Variants in PDE4B observed in about 807,000 individuals in gnomAD.
PDE4B encodes the protein phosphodiesterase 4B, also known as 3',5'-cyclic-AMP phosphodiesterase 4B.
A neutral mutation model predicts 82.2 loss-of-function variants in PDE4B; 20 were observed. That is an observed-to-expected ratio of 0.24 (90% confidence interval 0.17 to 0.35). The LOEUF (loss-of-function observed/expected upper bound fraction) is 0.35. Ranked by LOEUF, PDE4B falls within the 10% of genes least tolerant of loss-of-function variation. The pLI, the probability that PDE4B is intolerant of heterozygous loss-of-function variation, is 1.00. For missense variants in PDE4B, 655 were observed against 907.2 expected (o/e 0.72, Z 3.57); for synonymous variants, 320 against 318.9 (o/e 1.00, Z -0.04).
At chr1:66,028,099 G>A (rs1653552795) in intron 3 of PDE4B, among the ~76,000 whole-genome samples, 1 of 152,234 alleles carries the variant, frequency 6.6e-6, no homozygotes, top group Non-Finnish European at 1.5e-5. Flanking sequence ...TCTCCATGAG[G>A]GTGCCGCCTC....
intron 3 of PDE4B, among the ~76,000 whole-genome samples, chr1:66,245,651 T>C (rs1653256364): frequency 6.6e-6 from 1 of 152,250 alleles, no homozygotes; most frequent in Non-Finnish European, 1.5e-5. Flanking sequence ...TCCACCTGCC[T>C]GTCTGCCTGC....
At chr1:66,131,165 A>C (rs1404508677) in intron 3 of PDE4B, among the ~76,000 whole-genome samples, 1 of 152,210 alleles carries the variant, frequency 6.6e-6, no homozygotes, top group East Asian at 1.9e-4. Context: ...TAAAAAACAT[A>C]TAAAGGTAGA....
chr1:66,054,505 C>G (rs1655202222), intron 3 of PDE4B, among the ~76,000 whole-genome samples: 1 of 152,170 alleles, frequency 6.6e-6, no homozygotes, highest in Non-Finnish European at 1.5e-5. Flanking sequence ...ATCTTGTGCT[C>G]TTTAAAAGTT....
chr1:66,257,858 T>C lies in PDE4B; in HGVS notation c.579T>C (p.Ser193=), dbSNP rs1654365968. The part of the protein sequence containing the change: ...FTILTNLHGT[S]NKRSPAASQP... ...TACTGACAAACCTTCATGGTACATC[T>C]AACAAGTAAGGATTGACTTTTTTGT... Residue 193 remains serine (S), a synonymous_variant, in exon 6 of 17, where the codon TCT becomes TCC. Coordinates refer to ENST00000341517, the MANE Select transcript of PDE4B (RefSeq NM_002600.4). 1.2e-6 allele frequency: 2 copies of C among 1,610,342 alleles called. No individual in the cohort carries two copies. The highest frequency in any genetic ancestry group is 1.7e-6 in the Non-Finnish European group (2 of 1,176,724).
At chr1:66,070,059 C>T (rs189157788) in intron 3 of PDE4B, among the ~76,000 whole-genome samples, 2 of 152,098 alleles carry the variant, frequency 1.3e-5, no homozygotes, top group Non-Finnish European at 2.9e-5. Context: ...AGGGTATACA[C>T]AGTGTTTCTT....
intron 7 of PDE4B, among the ~76,000 whole-genome samples, chr1:66,302,491 A>G (rs891934099): frequency 2.6e-5 from 4 of 152,154 alleles, no homozygotes; most frequent in African/African-American, 9.7e-5. Context: ...TGAGGTGGAA[A>G]CAGGGAGTGG....
intron 3 of PDE4B, among the ~76,000 whole-genome samples, chr1:66,036,035 G>A (rs893318708): frequency 4.6e-5 from 7 of 152,096 alleles, no homozygotes; most frequent in South Asian, 2.1e-4. Context: ...AGTAGCCACC[G>A]TAACAGGGTG....
At chr1:65,869,795 G>GTT (rs11320288) in intron 1 of PDE4B, among the ~76,000 whole-genome samples, 5 of 144,750 alleles carry the variant, frequency 3.5e-5, no homozygotes, top group African/African-American at 1.0e-4. Context: ...GCTATACCAT[G>GTT]TTTTTTTTTT....
intron 7 of PDE4B, among the ~76,000 whole-genome samples, chr1:66,286,581 G>T (rs1255906943): frequency 6.6e-6 from 1 of 152,112 alleles, no homozygotes; most frequent in African/African-American, 2.4e-5. Flanking sequence ...ATTTGGGTTG[G>T]TTTTTCATCA....
chr1:65,940,765 A>G (rs530130601), intron 3 of PDE4B, among the ~76,000 whole-genome samples: 1 of 152,104 alleles, frequency 6.6e-6, no homozygotes, highest in Non-Finnish European at 1.5e-5. Context: ...CCAAAAGATC[A>G]ATTTTGGACA....
intron 3 of PDE4B, among the ~76,000 whole-genome samples, chr1:66,212,151 C>G (rs977102838): frequency 2.6e-5 from 4 of 152,172 alleles, no homozygotes; most frequent in African/African-American, 9.7e-5. Context: ...CACTGGGAAA[C>G]TTTCTCTTCC....
At chr1:66,248,012 T>G (rs905420106) in intron 4 of PDE4B, among the ~76,000 whole-genome samples, 1 of 152,196 alleles carries the variant, frequency 6.6e-6, no homozygotes, top group Non-Finnish European at 1.5e-5. Context: ...TGTGTGCAGT[T>G]TTCATGAGGC....
chr1:66,238,021 A>G (rs1652597394), intron 3 of PDE4B, among the ~76,000 whole-genome samples: 1 of 152,238 alleles, frequency 6.6e-6, no homozygotes, highest in South Asian at 2.1e-4. Flanking sequence ...AAGGGAACTT[A>G]CTTAAATAAT....
chr1:66,174,378 T>G (rs760831802), intron 3 of PDE4B, among the ~76,000 whole-genome samples: 42 of 152,166 alleles, frequency 2.8e-4, no homozygotes, highest in Non-Finnish European at 5.7e-4. Context: ...ACACTTACAT[T>G]TAGTAAATTT....
intron 3 of PDE4B, among the ~76,000 whole-genome samples, chr1:66,024,510 T>A (rs1430262429): frequency 6.6e-6 from 1 of 152,136 alleles, no homozygotes; most frequent in Non-Finnish European, 1.5e-5. Flanking sequence ...CCCTATGACT[T>A]TAAATAGATT....
Position 65,977,810 on chromosome 1 carries a change from A to G in PDE4B, c.281+58975A>G, listed in dbSNP as rs979806289. On this transcript the variant is annotated intron_variant, in intron 3 of 16. Coordinates refer to ENST00000341517, the MANE Select transcript of PDE4B (RefSeq NM_002600.4). ...TTACTTTTTTACTTTGAGTTTGGAG[A>G]AGTGCACAAATGGTAATCCAGCAGG... 6.6e-5 allele frequency among the ~76,000 whole-genome samples: 10 copies of G among 152,270 alleles called. No homozygotes were observed. In the East Asian group the frequency reaches 1.5e-3, roughly 24 times the overall value.
At chr1:65,874,807 A>G (rs1282626287) in intron 1 of PDE4B, among the ~76,000 whole-genome samples, 1 of 151,526 alleles carries the variant, frequency 6.6e-6, no homozygotes, top group Non-Finnish European at 1.5e-5. Flanking sequence ...AAGATGGATT[A>G]AAGATTTAAA....
intron 3 of PDE4B, among the ~76,000 whole-genome samples, chr1:66,097,865 T>G (rs1645147757): frequency 6.6e-6 from 1 of 150,524 alleles, no homozygotes; most frequent in Admixed American, 6.7e-5. Flanking sequence ...CTGCTGGGTT[T>G]TTTTTTTTTT....
At chr1:66,084,410 G>C (rs890700783) in intron 3 of PDE4B, among the ~76,000 whole-genome samples, 1 of 152,148 alleles carries the variant, frequency 6.6e-6, no homozygotes, top group Non-Finnish European at 1.5e-5. Context: ...AGAGGAAATT[G>C]AGTAAAGTCG....
Sources: allele counts gnomAD v4.1 joint callset (sites outside exome capture counted in the v4.1 genomes callset), GRCh38; gene constraint gnomAD v4.1.1; transcripts MANE v1.5; gene names NCBI Gene and HGNC (gene_info 2026-07-23, HGNC 2026-07-21).